ZKSCAN3: variants seen among roughly 807,000 people sequenced by gnomAD.
ZKSCAN3 encodes the protein zinc finger with KRAB and SCAN domains 3.
In ZKSCAN3, 21 loss-of-function variants were observed where a neutral mutation model predicts 30.7. The observed-to-expected ratio is 0.68, with a 90% CI of 0.49 to 0.99. The LOEUF (loss-of-function observed/expected upper bound fraction) is 0.99, where lower values mean the gene tolerates loss of function less well. Among genes scored for constraint, ZKSCAN3 ranks in the 50% least tolerant of loss-of-function variants. The pLI is 0.00. For missense variants in ZKSCAN3, 507 were observed against 647.1 expected, an observed-to-expected ratio of 0.78 and a Z score of 2.35; for synonymous variants, 201 against 246.7, an observed-to-expected ratio of 0.81 and a Z score of 1.73.
intron 4 of ZKSCAN3, 89 bp downstream of exon 4, chr6:28,363,474 C>A: frequency 7.3e-7 from 1 of 1,373,538 alleles, no homozygotes; most frequent in Non-Finnish European, 1.0e-6. Flanking sequence ...CCCTCCACCC[C>A]AATCCTAGAT....
intron 1 of ZKSCAN3, among the ~76,000 whole-genome samples, chr6:28,352,194 T>G (rs961411931): frequency 6.6e-6 from 1 of 152,246 alleles, no homozygotes; most frequent in African/African-American, 2.4e-5. Flanking sequence ...TTTGGTCGAT[T>G]GCTTCTTTTT....
rs1212115031 is a variant in ZKSCAN3, at chr6:28,363,673, G to A, written c.634-19G>A. On this transcript the variant is annotated intron_variant, in intron 4 of 5. Coordinates refer to ENST00000252211, the MANE Select transcript of ZKSCAN3 (RefSeq NM_024493.4). ...ATTTTGGTCAGCCCCTTCTTCAATGGGATTACCTATTGTTTTAGGGGTTGT... is the reference window on the plus strand; with the variant it reads ...ATTTTGGTCAGCCCCTTCTTCAATGAGATTACCTATTGTTTTAGGGGTTGT... The A allele has an allele frequency of 1.2e-6, 2 of 1,613,826 alleles. No homozygotes were observed. The highest frequency in any genetic ancestry group is 1.3e-5 in the African/African-American group (1 of 74,886).
At chr6:28,360,643 C>T (rs997904818) in intron 2 of ZKSCAN3, 4 of 985,294 alleles carry the variant, frequency 4.1e-6, no homozygotes, top group Non-Finnish European at 4.8e-6. Flanking sequence ...CCTGTGCACA[C>T]ACCCTCAGAG....
intron 1 of ZKSCAN3, among the ~76,000 whole-genome samples, chr6:28,357,048 TCA>T (rs1300882337): frequency 1.3e-5 from 2 of 152,218 alleles, no homozygotes; most frequent in Non-Finnish European, 2.9e-5. Context: ...AGCAGCTCTT[TCA>T]CAGTGTCAGT....
At chr6:28,364,921 T>C (rs2027362) in intron 5 of ZKSCAN3, among the ~76,000 whole-genome samples, 10,160 of 152,040 alleles carry the variant, frequency 0.067, 410 homozygotes, top group South Asian at 0.17. Flanking sequence ...AGAGATGGGG[T>C]TTCACCATGT....
intron 1 of ZKSCAN3, among the ~76,000 whole-genome samples, chr6:28,352,668 T>C (rs1189018331): frequency 6.6e-6 from 1 of 152,230 alleles, no homozygotes; most frequent in African/African-American, 2.4e-5. Flanking sequence ...ACCTGTACAC[T>C]GGTATTTGGA....
At chr6:28,354,305 G>A in intron 1 of ZKSCAN3, 2 of 221,960 alleles carry the variant, frequency 9.0e-6, no homozygotes, top group South Asian at 1.4e-4. Context: ...CAAGTGGAGT[G>A]GTGCGCCTGC....
At chr6:28,364,229 T>C (rs34924864) in intron 5 of ZKSCAN3, among the ~76,000 whole-genome samples, 1 of 152,054 alleles carries the variant, frequency 6.6e-6, no homozygotes, top group Admixed American at 6.5e-5. Context: ...TCCTGCCTTG[T>C]CCCCTCAAAA....
At position 28,366,139 on chromosome 6, in the gene ZKSCAN3, C is replaced by G. The variant is rs748164408; in HGVS notation, c.1471C>G (p.Gln491Glu). ...TAATGAGTGTGAAAGAAGTTTCACT[C>G]AGAATACAGGCCTCATTGAACATCA... ...KCNECERSFT[Q>E]NTGLIEHQKI... is the part of the protein sequence containing the mutation. The change falls in exon 6 of 6, where the codon CAG becomes GAG. Residue 491 changes from glutamine to glutamate, a missense_variant. Transcript: ENST00000252211. 4 of 1,611,992 alleles carry G rather than the reference C, an allele frequency of 2.5e-6. No homozygotes were observed. In the South Asian group the frequency reaches 4.4e-5, roughly 18 times the overall value.
intron 1 of ZKSCAN3, among the ~76,000 whole-genome samples, chr6:28,357,511 G>A (rs1423505778): frequency 6.6e-6 from 1 of 152,188 alleles, no homozygotes; most frequent in African/African-American, 2.4e-5. Context: ...TGAGTTTTTG[G>A]AAGTGGACAG....
intron 1 of ZKSCAN3, 47 bp from the exon 2 acceptor site, chr6:28,359,478 G>GA (rs1765639823): frequency 1.4e-6 from 2 of 1,387,870 alleles, no homozygotes; most frequent in Non-Finnish European, 2.0e-6. Flanking sequence ...AGGAGAGAAG[G>GA]GACTACTTGC....
At chr6:28,365,340 C>T (rs1765917843) in intron 5 of ZKSCAN3, 86 bp from the exon 6 acceptor site, 1 of 1,511,454 alleles carries the variant, frequency 6.6e-7, no homozygotes, top group South Asian at 1.3e-5. Flanking sequence ...ATTTATAGAC[C>T]TCTGTAATTC....
Position 28,366,241 on chromosome 6 carries a change from C to G in ZKSCAN3, c.1573C>G (p.Gln525Glu). 6.4e-7 allele frequency: 1 copy of G among 1,555,098 alleles called. No individual in the cohort carries two copies. The highest frequency in any genetic ancestry group is 8.6e-7 in the Non-Finnish European group (1 of 1,156,258). Residue 525 changes from glutamine to glutamate, a missense_variant, in exon 6 of 6, where the codon CAA (glutamine) becomes GAA (glutamate). Coordinates refer to ENST00000252211, the MANE Select transcript of ZKSCAN3 (RefSeq NM_024493.4). ...KGFTRISYLVQHQRSHVGKNI... is the reference protein window; with the variant it reads ...KGFTRISYLVEHQRSHVGKNI... ...CTTCACCCGAATTTCATACCTTGTT[C>G]AACATCAGAGAAGCCATGTAGGGAA... is the stretch of plus-strand genomic sequence containing the variant.
In ZKSCAN3 at chr6:28,366,503, T is replaced by C. The variant is rs1022109032; in HGVS notation, c.*218T>C. 1.2e-5 allele frequency: 5 copies of C among 420,606 alleles called. No individual in the cohort carries two copies. The highest frequency in any genetic ancestry group is 1.0e-4 in the African/African-American group (5 of 49,142). 26.1% of individuals were successfully genotyped at this position (420,606 alleles called of 1,614,324 possible). A position where few individuals can be genotyped will look rare whatever the true frequency, so the allele number is the denominator to read the frequency against. On this transcript the variant is annotated 3_prime_UTR_variant, in exon 6 of 6. Transcript: ENST00000252211. The stretch of plus-strand genomic sequence containing the variant: ...GATAGGAGGCTACGGGAGAGTTGTC[T>C]AGAAGAGGTAAGACCTGAAACTGTT...
intron 1 of ZKSCAN3, among the ~76,000 whole-genome samples, chr6:28,359,137 A>T (rs1357861203): frequency 6.6e-6 from 1 of 152,122 alleles, no homozygotes; most frequent in Non-Finnish European, 1.5e-5. Context: ...GCTATCTCAT[A>T]TTGAAAGTCC....
chr6:28,360,270 C>T lies in ZKSCAN3; in HGVS notation c.402+282C>T. 5.6e-6 allele frequency: 3 copies of T among 537,300 alleles called. No individual in the cohort carries two copies. The South Asian group carries it at 6.4e-5, about 11-fold the overall frequency. 33.3% of individuals were successfully genotyped at this position (537,300 alleles called of 1,614,324 possible). A position where few individuals can be genotyped will look rare whatever the true frequency, so the allele number is the denominator to read the frequency against. On this transcript the variant is annotated intron_variant, in intron 2 of 5. Coordinates refer to ENST00000252211, the MANE Select transcript of ZKSCAN3 (RefSeq NM_024493.4). ...AGTCATACTTTTTTTTATTAGTACACTAAATAATAAAACCTACGGACAGGG... is the reference window on the plus strand; with the variant it reads ...AGTCATACTTTTTTTTATTAGTACATTAAATAATAAAACCTACGGACAGGG...
intron 1 of ZKSCAN3, among the ~76,000 whole-genome samples, chr6:28,350,864 G>A (rs142850419): frequency 1.3e-5 from 2 of 152,244 alleles, no homozygotes; most frequent in African/African-American, 4.8e-5. Context: ...ACTCTCAAAG[G>A]CTTTAAGACT....
In ZKSCAN3 at chr6:28,365,824, A is replaced by C; in HGVS notation, c.1156A>C (p.Ile386Leu). Residue 386 changes from isoleucine to leucine, a missense_variant, in exon 6 of 6, where the codon ATC (isoleucine) becomes CTC (leucine). Coordinates refer to ENST00000252211, the MANE Select transcript of ZKSCAN3 (RefSeq NM_024493.4). ...GKAFSHSSDLIKHQRTHTGEK... is the reference protein window; with the variant it reads ...GKAFSHSSDLLKHQRTHTGEK... ...GGCCTTCAGTCATAGCTCAGACCTT[A>C]TCAAGCATCAGAGAACCCACACTGG... 6.2e-7 allele frequency: 1 copy of C among 1,614,098 alleles called. No individual in the cohort carries two copies. The highest frequency in any genetic ancestry group is 1.1e-5 in the South Asian group (1 of 91,072).
At chr6:28,360,015 G>A (rs918637236) in intron 2 of ZKSCAN3, 27 bp downstream of exon 2, 2 of 1,614,072 alleles carry the variant, frequency 1.2e-6, no homozygotes, top group East Asian at 4.5e-5. Flanking sequence ...TAGTATCTGA[G>A]CGCTGTGGCC....
Sources: allele counts gnomAD v4.1 joint callset (sites outside exome capture counted in the v4.1 genomes callset), GRCh38; gene constraint gnomAD v4.1.1; transcripts MANE v1.5; gene names NCBI Gene and HGNC (gene_info 2026-07-23, HGNC 2026-07-21).